MAGI3: variants seen among roughly 807,000 people sequenced by gnomAD.
The protein encoded by MAGI3 is membrane-associated guanylate kinase, WW and PDZ domain-containing protein 3.
MAGI3 carries 43 observed loss-of-function variants against 121.8 expected under a neutral mutation model. The observed-to-expected ratio is 0.35, with a 90% confidence interval of 0.28 to 0.46. The LOEUF (loss-of-function observed/expected upper bound fraction) is 0.46. Ranked by LOEUF, MAGI3 falls within the 20% of genes least tolerant of loss-of-function variation. The pLI is 1.00. For synonymous variants in MAGI3, 553 were observed against 639.3 expected, an observed-to-expected ratio of 0.86 and a Z score of 2.04; for missense variants, 1,547 against 1,797.3, an observed-to-expected ratio of 0.86 and a Z score of 2.52.
chr1:113,545,665 G>A (rs1204006807), intron 1 of MAGI3, among the ~76,000 whole-genome samples: 5 of 152,104 alleles, frequency 3.3e-5, no homozygotes, highest in Non-Finnish European at 5.9e-5. Flanking sequence ...TGAGTTCCTG[G>A]ATTTATTCAT....
At chr1:113,451,360 C>T (rs1288750860) in intron 1 of MAGI3, among the ~76,000 whole-genome samples, 1 of 152,078 alleles carries the variant, frequency 6.6e-6, no homozygotes, top group Non-Finnish European at 1.5e-5. Context: ...TCTTCATCAT[C>T]TTGGATTTGT....
chr1:113,603,841 A>T (rs1399446347), intron 6 of MAGI3, among the ~76,000 whole-genome samples: 1 of 152,248 alleles, frequency 6.6e-6, no homozygotes, highest in African/African-American at 2.4e-5. Flanking sequence ...TGGACAAATT[A>T]CATGAATTGG....
At chr1:113,466,755 G>T (rs1468151083) in intron 1 of MAGI3, among the ~76,000 whole-genome samples, 1 of 151,974 alleles carries the variant, frequency 6.6e-6, no homozygotes, top group Admixed American at 6.6e-5. Context: ...TTTTCAATTT[G>T]TTGGCATATA....
Position 113,685,906 on chromosome 1 carries a change from A to C in MAGI3, c.*1892A>C, listed in dbSNP as rs1648523312. The C allele has an allele frequency of 1.3e-5, 2 of 152,212 alleles. No individual in the cohort carries two copies. Among genetic ancestry groups the C allele is most frequent in the Admixed American group, 6.5e-5 (1 of 15,274 alleles). 9.4% of individuals were successfully genotyped at this position (152,212 alleles called of 1,614,324 possible). On this transcript the variant is annotated 3_prime_UTR_variant, in exon 21 of 21. Coordinates refer to ENST00000307546, the MANE Select transcript of MAGI3 (RefSeq NM_001142782.2). The stretch of plus-strand genomic sequence containing the variant: ...GTAAATTGCTCATTATTTTTTATAT[A>C]GATATTTAAAAAAAACAGTTTATGG...
chr1:113,523,461 G>A (rs1475000100), intron 1 of MAGI3, among the ~76,000 whole-genome samples: 2 of 152,190 alleles, frequency 1.3e-5, no homozygotes, highest in Non-Finnish European at 2.9e-5. Flanking sequence ...TAATGATATG[G>A]ACACTGAAAT....
intron 19 of MAGI3, among the ~76,000 whole-genome samples, chr1:113,680,643 A>G (rs144956455): frequency 0.026 from 3,914 of 151,958 alleles, 59 homozygotes; most frequent in African/African-American, 0.029. Flanking sequence ...TGTAGTCCCA[A>G]CTACTCGGGA....
At chr1:113,653,153 A>G (rs949356713) in intron 14 of MAGI3, among the ~76,000 whole-genome samples, 2 of 152,234 alleles carry the variant, frequency 1.3e-5, no homozygotes, top group Non-Finnish European at 2.9e-5. Flanking sequence ...TAAGACAGAC[A>G]TCAATGAATA....
rs543013700 is a variant in MAGI3, at chr1:113,528,900, C to T, written c.317-20615C>T. On this transcript the variant is annotated intron_variant, in intron 1 of 20. Transcript: ENST00000307546. ...GCCAATAAGAATGTAAGTCAGAATA[C>T]TATGTTCAAAAGTGACTTGAAATAT... Among the ~76,000 whole-genome samples the T allele has an allele frequency of 4.6e-5, 7 of 152,268 alleles. No homozygotes were observed. In the South Asian group the frequency reaches 1.0e-3, roughly 23 times the overall value.
chr1:113,391,290 A>T lies in MAGI3; in HGVS notation c.257A>T (p.Asp86Val). The change falls in exon 1 of 21, where the codon GAC becomes GTC. Residue 86 changes from aspartate (D) to valine (V), a missense_variant. By Grantham distance (152) the Asp-to-Val change is radical. Coordinates refer to ENST00000307546, the MANE Select transcript of MAGI3 (RefSeq NM_001142782.2). The surrounding 1 kb of genome is among the most constrained non-coding windows in gnomAD (Gnocchi z 4.4). The part of the protein sequence containing the change: ...GTPVSGLTNR[D>V]TLAVIRHFRE... ...CCTGTCAGCGGGCTCACCAACCGGGACACCCTGGCTGTCATCCGCCACTTC... is the reference window on the plus strand; with the variant it reads ...CCTGTCAGCGGGCTCACCAACCGGGTCACCCTGGCTGTCATCCGCCACTTC... 6.3e-7 allele frequency: 1 copy of T among 1,594,098 alleles called. No homozygotes were observed. The highest frequency in any genetic ancestry group is 8.5e-7 in the Non-Finnish European group (1 of 1,171,498).
In MAGI3 at chr1:113,570,461, C is replaced by T. The variant is rs144780764; in HGVS notation, c.434-10081C>T. Among the ~76,000 whole-genome samples, 519 of 152,242 alleles carry T rather than the reference C, an allele frequency of 3.4e-3. 7 individuals are homozygous for T. The highest frequency in any genetic ancestry group is 0.024 in the Admixed American group (373 of 15,292). ...TTCTAGTTCTAGATCCTTGAGGAAT[C>T]GCCACAGTGTCTTCCACAATGGTTG... On this transcript the variant is annotated intron_variant, in intron 2 of 20. Transcript: ENST00000307546.
At chr1:113,395,939 A>G (rs369121258) in intron 1 of MAGI3, among the ~76,000 whole-genome samples, 28 of 152,280 alleles carry the variant, frequency 1.8e-4, no homozygotes, top group African/African-American at 5.8e-4. Flanking sequence ...TTCATGTAAC[A>G]TAACTCTGTG....
At chr1:113,454,742 G>A (rs112111789) in intron 1 of MAGI3, among the ~76,000 whole-genome samples, 9,441 of 151,894 alleles carry the variant, frequency 0.062, 319 homozygotes, top group Non-Finnish European at 0.074. Flanking sequence ...GAGAACATGC[G>A]GTATTTGGTT....
intron 1 of MAGI3, among the ~76,000 whole-genome samples, chr1:113,439,894 C>A (rs1371803115): frequency 2.7e-5 from 4 of 150,652 alleles, no homozygotes; most frequent in Admixed American, 1.4e-4. Flanking sequence ...CGAACCAAGG[C>A]CTGTTTTGAC....
chr1:113,667,637 T>A (rs1203908190), intron 16 of MAGI3, among the ~76,000 whole-genome samples: 1 of 152,250 alleles, frequency 6.6e-6, no homozygotes, highest in Non-Finnish European at 1.5e-5. Flanking sequence ...TACAATTTTC[T>A]TCAAGAACTT....
rs1652293283 is a variant in MAGI3, at chr1:113,416,027, TGACACA to T, written c.316+24679_316+24684del. On this transcript the variant is annotated intron_variant, in intron 1 of 20. Coordinates refer to ENST00000307546, the MANE Select transcript of MAGI3 (RefSeq NM_001142782.2). ...TTACATATATTAATTATGTAATTAATGACACATATTAATTATGTAATTAATGACACA... is the reference window on the plus strand; with the variant it reads ...TTACATATATTAATTATGTAATTAATTATTAATTATGTAATTAATGACACA... Among the ~76,000 whole-genome samples, 4 of 148,928 alleles carry T rather than the reference TGACACA, an allele frequency of 2.7e-5. No homozygotes were observed. The South Asian group carries it at 9.2e-4, about 34-fold the overall frequency.
At chr1:113,492,508 G>T (rs191830173) in intron 1 of MAGI3, among the ~76,000 whole-genome samples, 27 of 152,202 alleles carry the variant, frequency 1.8e-4, no homozygotes, top group Admixed American at 1.5e-3. Context: ...TCTTGGAAAA[G>T]AATACCACTC....
intron 2 of MAGI3, among the ~76,000 whole-genome samples, chr1:113,559,559 T>C (rs1660137153): frequency 6.6e-6 from 1 of 151,724 alleles, no homozygotes; most frequent in Non-Finnish European, 1.5e-5. Flanking sequence ...CCCAGATTCA[T>C]AAAGTTCCTT....
At chr1:113,682,225 C>G (rs565910933) in intron 20 of MAGI3, 14 of 1,609,060 alleles carry the variant, frequency 8.7e-6, no homozygotes, top group Non-Finnish European at 1.2e-5. Flanking sequence ...TGGCTCCTTC[C>G]GGTCTGTGCT....
intron 1 of MAGI3, among the ~76,000 whole-genome samples, chr1:113,532,739 T>G (rs966638380): frequency 4.6e-5 from 7 of 152,170 alleles, no homozygotes; most frequent in Non-Finnish European, 8.8e-5. Context: ...TTAAGGTACT[T>G]GTGAATTATT....
Sources: allele counts gnomAD v4.1 joint callset (sites outside exome capture counted in the v4.1 genomes callset), GRCh38; gene constraint gnomAD v4.1.1; non-coding constraint Gnocchi (gnomAD v3.1); transcripts MANE v1.5; gene names NCBI Gene and HGNC (gene_info 2026-07-23, HGNC 2026-07-21).